FYB2: variants seen among roughly 807,000 people sequenced by gnomAD.
FYB2 encodes the protein FYN binding protein 2.
In FYB2, 103 loss-of-function variants were observed where a neutral mutation model predicts 94.1. That is an observed-to-expected ratio of 1.09 (90% confidence interval 0.93 to 1.29). The LOEUF is 1.29. Ranked by LOEUF, FYB2 falls within the 50% of genes most tolerant of loss-of-function variation. The probability of loss-of-function intolerance (pLI) is 0.00; values close to 1 mark genes in which losing one functional copy is unlikely to be tolerated. For missense variants in FYB2, 896 were observed against 841.5 expected (o/e 1.06, Z -0.80); for synonymous variants, 293 against 287.9 (o/e 1.02, Z -0.18).
intron 13 of FYB2, among the ~76,000 whole-genome samples, chr1:56,740,183 C>T (rs1644918972): frequency 6.6e-6 from 1 of 152,032 alleles, no homozygotes; most frequent in Non-Finnish European, 1.5e-5. Context: ...TGGCAGTTAG[C>T]CTAGGTTATC....
At chr1:56,730,418 G>A in intron 15 of FYB2, among the ~76,000 whole-genome samples, 1 of 121,090 alleles carries the variant, frequency 8.3e-6, no homozygotes, top group Admixed American at 8.3e-5. Flanking sequence ...AGGAGGAGAG[G>A]GAGGGGAGGG....
chr1:56,820,156 G>A (rs1298285046), upstream of FYB2, among the ~76,000 whole-genome samples: 1 of 151,606 alleles, frequency 6.6e-6, no homozygotes, highest in Non-Finnish European at 1.5e-5. Context: ...GCTTGTACCT[G>A]GGAGGCAGAC....
intron 9 of FYB2, among the ~76,000 whole-genome samples, chr1:56,746,989 T>C (rs1645082003): frequency 6.6e-6 from 1 of 151,966 alleles, no homozygotes; most frequent in South Asian, 2.1e-4. Flanking sequence ...GCCAATTTGG[T>C]AGCAGAATTG....
chr1:56,809,875 C>T (rs577043216), intron 1 of FYB2, among the ~76,000 whole-genome samples: 1 of 152,300 alleles, frequency 6.6e-6, no homozygotes, highest in Admixed American at 6.5e-5. Flanking sequence ...TCTTTTCCTA[C>T]CTCCTGATCA....
chr1:56,807,585 T>C (rs911404296), intron 1 of FYB2, among the ~76,000 whole-genome samples: 3 of 152,216 alleles, frequency 2.0e-5, no homozygotes, highest in Admixed American at 1.3e-4. Context: ...CTGCTACTTC[T>C]ATGTCACCCA....
At chr1:56,786,741 AT>A (rs1402377616) in intron 4 of FYB2, among the ~76,000 whole-genome samples, 1 of 152,200 alleles carries the variant, frequency 6.6e-6, no homozygotes, top group African/African-American at 2.4e-5. Context: ...CTCAATAGAT[AT>A]TATTTGGTTA....
chr1:56,770,893 G>A (rs764745134), intron 4 of FYB2, among the ~76,000 whole-genome samples: 29 of 152,120 alleles, frequency 1.9e-4, no homozygotes, highest in Non-Finnish European at 5.9e-5. Context: ...ACCTCATAGT[G>A]AACAGGGAAA....
At chr1:56,811,605 T>G (rs909234701) in intron 1 of FYB2, among the ~76,000 whole-genome samples, 1 of 152,206 alleles carries the variant, frequency 6.6e-6, no homozygotes, top group Non-Finnish European at 1.5e-5. Context: ...TCACAGCAAG[T>G]ACCACAGACT....
chr1:56,790,488 C>T (rs542648284), intron 2 of FYB2, among the ~76,000 whole-genome samples: 55 of 152,202 alleles, frequency 3.6e-4, no homozygotes, highest in Non-Finnish European at 7.5e-4. Context: ...TCAGTAGCTC[C>T]ATCTGGTAGA....
chr1:56,723,617 C>G lies in FYB2; in HGVS notation c.1945G>C (p.Glu649Gln). The change falls in exon 17 of 20, where the codon GAA becomes CAA. Residue 649 changes from glutamate to glutamine, a missense_variant. Coordinates refer to ENST00000343433, the MANE Select transcript of FYB2 (RefSeq NM_001004303.5). ...QNLEKNRMKR[E>Q]EKLFRERFKY... The stretch of plus-strand genomic sequence containing the variant: ...AACCTTTCTCTAAATAGTTTTTCTT[C>G]TCTTTTCATTCTGTTCTTTTCTAAG... The G allele has an allele frequency of 6.4e-7, 1 of 1,561,482 alleles. No individual in the cohort carries two copies. The highest frequency in any genetic ancestry group is 8.8e-7 in the Non-Finnish European group (1 of 1,138,654).
At chr1:56,800,187 G>T (rs1320722217) in intron 1 of FYB2, among the ~76,000 whole-genome samples, 1 of 152,128 alleles carries the variant, frequency 6.6e-6, no homozygotes, top group Non-Finnish European at 1.5e-5. Context: ...AACAAATTAC[G>T]TGCCCAGGAA....
In FYB2 at chr1:56,801,941, A is replaced by T. The variant is rs140912542; in HGVS notation, c.10-9138T>A. 5.5e-3 allele frequency among the ~76,000 whole-genome samples: 834 copies of T among 152,340 alleles called. 5 individuals are homozygous for T. The highest frequency in any genetic ancestry group is 9.0e-3 in the Admixed American group (138 of 15,298). On this transcript the variant is annotated intron_variant, in intron 1 of 19. Coordinates refer to ENST00000343433, the MANE Select transcript of FYB2 (RefSeq NM_001004303.5). The stretch of plus-strand genomic sequence containing the variant: ...TTGTACCAGAGGCAGAATTAAACCC[A>T]GGGTAGCTCCTATCTACTTTGCAGT...
rs777729559 is a variant in FYB2 at position 56,744,152 on chromosome 1, A to T, written c.1502T>A (p.Val501Glu). 10 of 1,611,850 alleles carry T rather than the reference A, an allele frequency of 6.2e-6. No individual in the cohort carries two copies. The highest frequency in any genetic ancestry group is 8.5e-6 in the Non-Finnish European group (10 of 1,178,662). ...YDDVEYSRKE[V>E]PKLNYSSSLA... is the part of the protein sequence containing the mutation. ...GCTGAAAGACTGGAATGTTACTTACACCTCTTTCCTGGAGTACTCGACATC... is the reference window on the plus strand; with the variant it reads ...GCTGAAAGACTGGAATGTTACTTACTCCTCTTTCCTGGAGTACTCGACATC... Residue 501 changes from valine to glutamate, a missense_variant and splice_region_variant, in exon 10 of 20, where the codon GTA becomes GAA. Transcript: ENST00000343433.
chr1:56,758,726 T>G lies in FYB2; in HGVS notation c.1088A>C (p.Glu363Ala). 1 of 1,595,284 alleles carries G rather than the reference T, an allele frequency of 6.3e-7. No individual in the cohort carries two copies. Among genetic ancestry groups the G allele is most frequent in the East Asian group, 2.3e-5 (1 of 44,336 alleles). Residue 363 changes from glutamate to alanine, a missense_variant, in exon 6 of 20, where the codon GAA becomes GCA. Transcript: ENST00000343433. ...ADPTYEVGIE[E>A]LQKPGKNFPY... The stretch of plus-strand genomic sequence containing the variant: ...AAGGAGAAACAATACCTTTTGGAGT[T>G]CTTCAATTCCAACTTCATAAGTTGC...
intron 4 of FYB2, among the ~76,000 whole-genome samples, chr1:56,774,607 T>A (rs1645833145): frequency 6.6e-6 from 1 of 152,168 alleles, no homozygotes; most frequent in African/African-American, 2.4e-5. Flanking sequence ...TACGTACATG[T>A]ATACACGCAT....
Position 56,788,980 on chromosome 1 carries a change from C to A in FYB2, c.912G>T (p.Gln304His), listed in dbSNP as rs755188774. 3.1e-6 allele frequency: 5 copies of A among 1,613,950 alleles called. No individual in the cohort carries two copies. Among genetic ancestry groups the A allele is most frequent in the Non-Finnish European group, 4.2e-6 (5 of 1,179,978 alleles). ...CCCTGTGCATTTCCTTACCTTCCCC[C>A]TGAGTCTTGGGAACAGCAGCTGGCT... ...QRQPAAVPKT[Q>H]GEVTVEEGSL... Residue 304 changes from glutamine to histidine, a missense_variant, in exon 3 of 20, where the codon CAG becomes CAT. Gln to His is a conservative substitution (Grantham distance 24). Transcript: ENST00000343433.
At chr1:56,799,248 G>A (rs528961800) in intron 1 of FYB2, among the ~76,000 whole-genome samples, 1 of 152,068 alleles carries the variant, frequency 6.6e-6, no homozygotes, top group East Asian at 1.9e-4. Context: ...TATTTATTCT[G>A]CAATAAATAT....
chr1:56,740,066 C>T (rs1239232070), intron 13 of FYB2, among the ~76,000 whole-genome samples: 1 of 151,978 alleles, frequency 6.6e-6, no homozygotes, highest in Non-Finnish European at 1.5e-5. Flanking sequence ...AAGTGATATG[C>T]CCACAGTTGT....
chr1:56,776,705 A>G (rs552495802), intron 4 of FYB2, among the ~76,000 whole-genome samples: 1 of 152,222 alleles, frequency 6.6e-6, no homozygotes, highest in South Asian at 2.1e-4. Context: ...TCACCCTCTG[A>G]ACTAGTGGTA....
Sources: gnomAD v4.1 joint callset for allele counts (sites outside exome capture counted in the v4.1 genomes callset) on GRCh38, gnomAD v4.1.1 for gene constraint, MANE v1.5 for transcripts, NCBI Gene and HGNC (gene_info 2026-07-23, HGNC 2026-07-21) for gene names.